Variants in C8orf34 observed in about 807,000 individuals in gnomAD.
C8orf34 encodes the protein uncharacterized protein C8orf34.
Under a neutral mutation model 68.3 loss-of-function variants are expected in C8orf34, and 65 were observed. That is an observed-to-expected ratio of 0.95 (90% CI 0.78 to 1.17). C8orf34 has a LOEUF of 1.17. Among genes scored for constraint, C8orf34 ranks in the 50% most tolerant of loss-of-function variants. The pLI is 0.00. For missense variants in C8orf34, 664 were observed against 655.4 expected (o/e 1.01, Z -0.14); for synonymous variants, 244 against 241.2 (o/e 1.01, Z -0.11).
chr8:68,721,045 C>T (rs890725517), intron 9 of C8orf34, among the ~76,000 whole-genome samples: 68 of 151,986 alleles, frequency 4.5e-4, no homozygotes, highest in African/African-American at 1.5e-3. Flanking sequence ...AGAAACAGGG[C>T]ATTAAATATA....
At chr8:68,746,015 C>T (rs1822478727) in intron 10 of C8orf34, among the ~76,000 whole-genome samples, 1 of 152,018 alleles carries the variant, frequency 6.6e-6, no homozygotes, top group Admixed American at 6.6e-5. Context: ...TGTAAAAGAA[C>T]AGAAATTATA....
At chr8:68,722,795 A>G (rs2129526520) in intron 10 of C8orf34, among the ~76,000 whole-genome samples, 1 of 152,126 alleles carries the variant, frequency 6.6e-6, no homozygotes, top group Non-Finnish European at 1.5e-5. Context: ...ACACACATAC[A>G]TATATATGTA....
intron 8 of C8orf34, among the ~76,000 whole-genome samples, chr8:68,685,475 C>T (rs1262403806): frequency 1.3e-5 from 2 of 151,970 alleles, no homozygotes; most frequent in African/African-American, 4.8e-5. Context: ...ATAAATCCTG[C>T]CAAATTGATC....
intron 3 of C8orf34, among the ~76,000 whole-genome samples, chr8:68,465,531 G>A (rs1051148885): frequency 6.6e-6 from 1 of 152,076 alleles, no homozygotes; most frequent in African/African-American, 2.4e-5. Flanking sequence ...ATTCACAATA[G>A]CAAAGTCTTG....
intron 7 of C8orf34, among the ~76,000 whole-genome samples, chr8:68,627,903 G>A (rs1452191896): frequency 6.6e-6 from 1 of 152,122 alleles, no homozygotes; most frequent in Non-Finnish European, 1.5e-5. Context: ...AATTAAAAAG[G>A]AACTGGTAAG....
At chr8:68,570,341 C>A (rs1816725646) in intron 7 of C8orf34, among the ~76,000 whole-genome samples, 1 of 152,182 alleles carries the variant, frequency 6.6e-6, no homozygotes, top group Non-Finnish European at 1.5e-5. Flanking sequence ...AGCTAATGTG[C>A]AAACACAGTC....
At chr8:68,342,529 A>G (rs945140440) in intron 1 of C8orf34, among the ~76,000 whole-genome samples, 5 of 152,232 alleles carry the variant, frequency 3.3e-5, no homozygotes, top group Non-Finnish European at 5.9e-5. Flanking sequence ...TCAGTTACTC[A>G]TGGTCAACCA....
chr8:68,668,045 A>G (rs958491797), intron 8 of C8orf34, among the ~76,000 whole-genome samples: 4 of 152,198 alleles, frequency 2.6e-5, no homozygotes, highest in Non-Finnish European at 4.4e-5. Flanking sequence ...GAAATAATTG[A>G]CAGCTCAGAA....
intron 5 of C8orf34, among the ~76,000 whole-genome samples, chr8:68,499,481 C>A (rs4737262): frequency 0.35 from 53,061 of 152,018 alleles, 10,008 homozygotes; most frequent in Non-Finnish European, 0.43. Flanking sequence ...GATATACATA[C>A]AGCCGTACAT....
chr8:68,715,217 G>A (rs1313904017), intron 9 of C8orf34, among the ~76,000 whole-genome samples: 1 of 151,914 alleles, frequency 6.6e-6, no homozygotes, highest in Non-Finnish European at 1.5e-5. Context: ...TTAGCTTAAA[G>A]ACGTCATGAC....
intron 9 of C8orf34, among the ~76,000 whole-genome samples, chr8:68,713,335 A>G (rs1821378117): frequency 6.6e-6 from 1 of 150,464 alleles, no homozygotes; most frequent in Non-Finnish European, 1.5e-5. Flanking sequence ...GAGGAGAACT[A>G]AAACAAACTG....
chr8:68,673,220 G>A (rs1386947054), intron 8 of C8orf34, among the ~76,000 whole-genome samples: 3 of 152,092 alleles, frequency 2.0e-5, no homozygotes, highest in African/African-American at 7.2e-5. Flanking sequence ...CTATGGGAGG[G>A]ACTTCTACTT....
chr8:68,477,484 A>G (rs1812671755), intron 4 of C8orf34, among the ~76,000 whole-genome samples: 1 of 152,148 alleles, frequency 6.6e-6, no homozygotes, highest in Admixed American at 6.5e-5. Context: ...CACAGTTCCC[A>G]CTGGAGCACT....
chr8:68,735,358 A>G (rs576914206), intron 10 of C8orf34, among the ~76,000 whole-genome samples: 8 of 152,360 alleles, frequency 5.3e-5, no homozygotes, highest in South Asian at 4.1e-4. Context: ...TGAAATTTCA[A>G]TGTTTATCCT....
At chr8:68,346,428 A>G (rs1806286578) in intron 1 of C8orf34, among the ~76,000 whole-genome samples, 1 of 152,052 alleles carries the variant, frequency 6.6e-6, no homozygotes, top group Non-Finnish European at 1.5e-5. Flanking sequence ...ATTACAATTG[A>G]TGAACCTACA....
chr8:68,416,822 T>C (rs1563419823), intron 1 of C8orf34, among the ~76,000 whole-genome samples: 1 of 152,134 alleles, frequency 6.6e-6, no homozygotes, highest in Non-Finnish European at 1.5e-5. Context: ...TGATGCATCA[T>C]GCCTGACCTG....
At chr8:68,502,245 T>C (rs192510021) in intron 5 of C8orf34, among the ~76,000 whole-genome samples, 2 of 152,274 alleles carry the variant, frequency 1.3e-5, no homozygotes, top group East Asian at 1.9e-4. Flanking sequence ...TTTGTATTTT[T>C]AGTAGAGATG....
intron 7 of C8orf34, among the ~76,000 whole-genome samples, chr8:68,593,856 T>C (rs901069668): frequency 2.6e-5 from 4 of 152,118 alleles, no homozygotes; most frequent in African/African-American, 9.6e-5. Flanking sequence ...TTCTTGTTTT[T>C]TAATAAGCAT....
chr8:68,626,278 T>C (rs2130668599), intron 7 of C8orf34, among the ~76,000 whole-genome samples: 1 of 152,234 alleles, frequency 6.6e-6, no homozygotes, highest in Middle Eastern at 3.4e-3. Context: ...GAGTGGGAGA[T>C]GTTCACCATC....
Sources: gnomAD v4.1 joint callset for allele counts (sites outside exome capture counted in the v4.1 genomes callset) on GRCh38, gnomAD v4.1.1 for gene constraint, MANE v1.5 for transcripts, NCBI Gene and HGNC (gene_info 2026-07-23, HGNC 2026-07-21) for gene names.